Variants in SBNO2 observed in about 807,000 individuals in gnomAD.
The protein encoded by SBNO2 is protein strawberry notch homolog 2.
In SBNO2, 89 loss-of-function variants were observed where a neutral mutation model predicts 146.3. The ratio of observed to expected loss-of-function variants is 0.61; its 90% confidence interval spans 0.51 to 0.73. The LOEUF (loss-of-function observed/expected upper bound fraction) is 0.73. SBNO2 is among the 30% of genes least tolerant of loss of function. The pLI is 0.00. For synonymous variants in SBNO2, 1,147 were observed against 892.6 expected, an observed-to-expected ratio of 1.29 and a Z score of -5.08; for missense variants, 2,092 against 2,003.7, an observed-to-expected ratio of 1.04 and a Z score of -0.84.
At chr19:1,154,143 T>C in intron 2 of SBNO2, 41 bp downstream of exon 2, 1 of 1,026,556 alleles carries the variant, frequency 9.7e-7, no homozygotes, top group Non-Finnish European at 1.2e-6. Context: ...CAAGTGCCCG[T>C]GGACCCCGTC....
At chr19:1,121,205 A>C (rs1018814557) in intron 11 of SBNO2, among the ~76,000 whole-genome samples, 1 of 152,226 alleles carries the variant, frequency 6.6e-6, no homozygotes, top group African/African-American at 2.4e-5. Context: ...TTAATATTTT[A>C]AGACGAAAGA....
At position 1,154,306 on chromosome 19, in the gene SBNO2, C is replaced by T. The variant is rs930460879; in HGVS notation, c.-30G>A. On this transcript the variant is annotated 5_prime_UTR_variant, in exon 2 of 32. Coordinates refer to ENST00000361757, the MANE Select transcript of SBNO2 (RefSeq NM_014963.3). ...CGGCAGGCGGGGTGGGGTCCTCGGC[C>T]GGGCAGCAGGCGGCGGGACTCCAGG... 1.2e-4 allele frequency: 141 copies of T among 1,217,686 alleles called. No individual in the cohort carries two copies. Among genetic ancestry groups the T allele is most frequent in the Non-Finnish European group, 1.4e-4 (139 of 969,108 alleles). The allele number at this position is 1,217,686 out of a possible 1,614,324, so 75.4% of individuals were successfully genotyped here.
chr19:1,170,164 GGGCCCAGGA>G (rs1184040897), intron 1 of SBNO2, among the ~76,000 whole-genome samples: 1 of 152,184 alleles, frequency 6.6e-6, no homozygotes, highest in Admixed American at 6.5e-5. Flanking sequence ...CCTCCTCACG[GGGCCCAGGA>G]GGCCCAGGGC....
intron 2 of SBNO2, among the ~76,000 whole-genome samples, chr19:1,153,449 G>A (rs992798210): frequency 1.3e-5 from 2 of 151,614 alleles, no homozygotes; most frequent in Non-Finnish European, 2.9e-5. Flanking sequence ...ATGTTGGCCA[G>A]GCTGGTCTCA....
chr19:1,109,307 G>A lies in SBNO2; in HGVS notation c.3333C>T (p.Arg1111=), dbSNP rs746941279. 3.1e-6 allele frequency: 5 copies of A among 1,596,946 alleles called. No individual in the cohort carries two copies. Among genetic ancestry groups the A allele is most frequent in the Non-Finnish European group, 4.3e-6 (5 of 1,173,012 alleles). The change falls in exon 29 of 32, where the codon CGC becomes CGT. Residue 1111 remains arginine (R), a synonymous_variant. Coordinates refer to ENST00000361757, the MANE Select transcript of SBNO2 (RefSeq NM_014963.3). This position sits in a 1 kb window ranked among gnomAD's most constrained non-coding sequence, Gnocchi z 4.2. ...QSQLEALDSL[R]RKFHRVTAEE... ...GGCCGCCTACCCGGTGGAACTTGCG[G>A]CGGAGGCTGTCCAGGGCCTCCAGCT...
chr19:1,150,298 C>T lies in SBNO2; in HGVS notation c.94-856G>A, dbSNP rs984380550. Among the ~76,000 whole-genome samples the T allele has an allele frequency of 4.6e-5, 7 of 152,148 alleles. No homozygotes were observed. The highest frequency in any genetic ancestry group is 2.1e-4 in the South Asian group (1 of 4,824). On this transcript the variant is annotated intron_variant, in intron 2 of 31. Transcript: ENST00000361757. This position sits in a 1 kb window ranked among gnomAD's most constrained non-coding sequence, Gnocchi z 6.2. ...CACGGGGCAGCAGCGGGCCCAAGGGCGGCAGCGGGCCCAGGGTCAGCACCT... is the reference window on the plus strand; with the variant it reads ...CACGGGGCAGCAGCGGGCCCAAGGGTGGCAGCGGGCCCAGGGTCAGCACCT...
rs112776120 is a variant in SBNO2, at chr19:1,144,500, A to C, written c.279+2809T>G. On this transcript the variant is annotated intron_variant, in intron 4 of 31. Transcript: ENST00000361757. This position sits in a 1 kb window ranked among gnomAD's most constrained non-coding sequence, Gnocchi z 4.1. ...AGCAGCAATTGTTCAGGAGGGGAGG[A>C]GCAGGAGAATTCATGAGACAGAGAT... 1.0e-3 allele frequency among the ~76,000 whole-genome samples: 154 copies of C among 152,284 alleles called. No individual in the cohort carries two copies. The highest frequency in any genetic ancestry group is 3.4e-3 in the African/African-American group (143 of 41,546).
Position 1,114,362 on chromosome 19 carries a change from A to T in SBNO2, c.1946T>A (p.Ile649Asn), listed in dbSNP as rs375364782. Reference protein sequence around the residue: ...PRLACETAGVIRISDDSSTES... With the variant: ...PRLACETAGVNRISDDSSTES... Reference sequence around the variant, plus strand: ...CGTGCTGCTGTCGTCACTGATGCGGATGACGCCCGCTGTCTCGCACGCCAG... The same window carrying T: ...CGTGCTGCTGTCGTCACTGATGCGGTTGACGCCCGCTGTCTCGCACGCCAG... The change falls in exon 18 of 32, where the codon ATC becomes AAC. Residue 649 changes from isoleucine to asparagine, a missense_variant. Physicochemically the swap from Ile to Asn is moderately radical, Grantham distance 149. Transcript: ENST00000361757. 6.4e-6 allele frequency: 10 copies of T among 1,556,400 alleles called. No individual in the cohort carries two copies. Among genetic ancestry groups the T allele is most frequent in the Middle Eastern group, 1.7e-4 (1 of 6,010 alleles).
chr19:1,165,407 G>T (rs2080403629), intron 1 of SBNO2, among the ~76,000 whole-genome samples: 1 of 152,164 alleles, frequency 6.6e-6, no homozygotes, highest in Non-Finnish European at 1.5e-5. Flanking sequence ...GCACCCCCAA[G>T]GCAGCACTGC....
In SBNO2 at chr19:1,122,485, C is replaced by T. The variant is rs1194034205; in HGVS notation, c.988G>A (p.Val330Met). 9 of 1,573,166 alleles carry T rather than the reference C, an allele frequency of 5.7e-6. No homozygotes were observed. Among genetic ancestry groups the T allele is most frequent in the Non-Finnish European group, 7.7e-6 (9 of 1,161,528 alleles). Residue 330 changes from valine (V) to methionine (M), a missense_variant, in exon 10 of 32, where the codon GTG becomes ATG. Val to Met is a conservative substitution (Grantham distance 21). Coordinates refer to ENST00000361757, the MANE Select transcript of SBNO2 (RefSeq NM_014963.3). ...LRDIEATGIA[V>M]HALSKIKYGD... ...GCCCCTACCTTGCTGAGCGCGTGCA[C>T]CGCGATGCCCGTGGCTTCGATGTCC... is the stretch of plus-strand genomic sequence containing the variant.
intron 4 of SBNO2, among the ~76,000 whole-genome samples, chr19:1,145,050 G>A (rs756103108): frequency 2.0e-5 from 3 of 150,466 alleles, no homozygotes; most frequent in Non-Finnish European, 4.4e-5. Flanking sequence ...GAGGCAGAGA[G>A]GAAGACAGAG....
At chr19:1,142,738 G>A (rs1035873817) in intron 4 of SBNO2, among the ~76,000 whole-genome samples, 14 of 144,704 alleles carry the variant, frequency 9.7e-5, no homozygotes, top group Non-Finnish European at 1.1e-4. Flanking sequence ...TTTGGGAGAC[G>A]GGCAGATCAC....
rs912281511 is a variant in SBNO2 at position 1,136,265 on chromosome 19, G to A, written c.280-8500C>T. Among the ~76,000 whole-genome samples, 1 of 152,236 alleles carries A rather than the reference G, an allele frequency of 6.6e-6. No homozygotes were observed. Among genetic ancestry groups the A allele is most frequent in the Non-Finnish European group, 1.5e-5 (1 of 68,028 alleles). ...AGGGGACAGAGTCCTGGCCTTTGAAGCTGTGTGTGCTGCTTCCTCACAGCA... is the reference window on the plus strand; with the variant it reads ...AGGGGACAGAGTCCTGGCCTTTGAAACTGTGTGTGCTGCTTCCTCACAGCA... On this transcript the variant is annotated intron_variant, in intron 4 of 31. Coordinates refer to ENST00000361757, the MANE Select transcript of SBNO2 (RefSeq NM_014963.3). This position sits in a 1 kb window ranked among gnomAD's most constrained non-coding sequence, Gnocchi z 4.2.
chr19:1,154,158 G>A (rs1262438223), intron 2 of SBNO2, 26 bp downstream of exon 2: 1 of 1,140,574 alleles, frequency 8.8e-7, no homozygotes, highest in African/African-American at 1.6e-5. Flanking sequence ...CCCGTCGGGT[G>A]GGCCGGGGCC....
At chr19:1,121,448 C>T (rs1011290252) in intron 11 of SBNO2, among the ~76,000 whole-genome samples, 2 of 152,212 alleles carry the variant, frequency 1.3e-5, no homozygotes, top group African/African-American at 4.8e-5. Context: ...ACAGCAAAGC[C>T]ATGGCCATGT....
chr19:1,114,808 G>T (rs1286533616), intron 17 of SBNO2, among the ~76,000 whole-genome samples: 1 of 149,774 alleles, frequency 6.7e-6, no homozygotes, highest in Non-Finnish European at 1.5e-5. Context: ...CTAATCTTTT[G>T]TATTTTAGTA....
chr19:1,158,488 G>A lies in SBNO2; in HGVS notation c.-126-4086C>T, dbSNP rs889042804. Among the ~76,000 whole-genome samples, 2 of 152,122 alleles carry A rather than the reference G, an allele frequency of 1.3e-5. No homozygotes were observed. The highest frequency in any genetic ancestry group is 6.5e-5 in the Admixed American group (1 of 15,282). Reference sequence around the variant, plus strand: ...AGACACTGGCCGCAGAGCCATAACCGAGACCACGGGAGGACCCAGGGCGCA... The same window carrying A: ...AGACACTGGCCGCAGAGCCATAACCAAGACCACGGGAGGACCCAGGGCGCA... On this transcript the variant is annotated intron_variant, in intron 1 of 31. Transcript: ENST00000361757. The surrounding 1 kb of genome is among the most constrained non-coding windows in gnomAD (Gnocchi z 9.9).
In SBNO2 at chr19:1,109,879, G is replaced by A. The variant is rs188573253; in HGVS notation, c.3029-102C>T. On this transcript the variant is annotated intron_variant, in intron 26 of 31. Transcript: ENST00000361757. This position sits in a 1 kb window ranked among gnomAD's most constrained non-coding sequence, Gnocchi z 4.2. ...GGGCGCACCCTAGAGACGACCCCCCGAGAGCACAGGAGAGGGTGTCCTGGA... is the reference window on the plus strand; with the variant it reads ...GGGCGCACCCTAGAGACGACCCCCCAAGAGCACAGGAGAGGGTGTCCTGGA... The A allele has an allele frequency of 2.5e-5, 19 of 774,708 alleles. No homozygotes were observed. Among genetic ancestry groups the A allele is most frequent in the South Asian group, 5.4e-5 (3 of 55,892 alleles). The allele number at this position is 774,708 out of a possible 1,614,324, so 48.0% of individuals were successfully genotyped here.
At chr19:1,160,119 T>C (rs2080330186) in intron 1 of SBNO2, among the ~76,000 whole-genome samples, 1 of 152,160 alleles carries the variant, frequency 6.6e-6, no homozygotes, top group Non-Finnish European at 1.5e-5. Context: ...TGGGTGCTGG[T>C]GGGCAGCTTG....
Sources: gnomAD v4.1 joint callset for allele counts (sites outside exome capture counted in the v4.1 genomes callset) on GRCh38, gnomAD v4.1.1 for gene constraint, Gnocchi (gnomAD v3.1) non-coding constraint, MANE v1.5 for transcripts, NCBI Gene and HGNC (gene_info 2026-07-23, HGNC 2026-07-21) for gene names.